The following USH2A variants were observed in gnomAD, a reference collection of about 807,000 sequenced individuals.
The protein encoded by USH2A is usherin, also known as Usher syndrome 2A (autosomal recessive, mild).
A neutral mutation model predicts 538.9 loss-of-function variants in USH2A; 443 were observed. The ratio of observed to expected loss-of-function variants is 0.82; its 90% CI spans 0.76 to 0.89. USH2A has a LOEUF of 0.89. Ranked by LOEUF, USH2A falls within the 40% of genes least tolerant of loss-of-function variation. USH2A has a pLI of 0.00. For missense variants in USH2A, 6,633 were observed against 6,324.8 expected (o/e 1.05, Z -1.65); for synonymous variants, 2,413 against 2,273.5 (o/e 1.06, Z -1.75).
chr1:215,971,809 G>A (rs1187031444), intron 35 of USH2A, among the ~76,000 whole-genome samples: 1 of 152,078 alleles, frequency 6.6e-6, no homozygotes, highest in Non-Finnish European at 1.5e-5. Flanking sequence ...GGGTTAGTGG[G>A]TATTAATTTA....
At chr1:216,019,760 C>T (rs1668803555) in intron 32 of USH2A, among the ~76,000 whole-genome samples, 1 of 152,062 alleles carries the variant, frequency 6.6e-6, no homozygotes, top group African/African-American at 2.4e-5. Flanking sequence ...GAGTGATATG[C>T]TGAGCAAGTA....
chr1:215,627,871 G>A (rs1656116472), intron 71 of USH2A, among the ~76,000 whole-genome samples: 2 of 152,180 alleles, frequency 1.3e-5, no homozygotes, highest in Admixed American at 1.3e-4. Context: ...GGTAGGTACT[G>A]CAGCGGGCAT....
At chr1:216,101,913 A>G (rs2032590125) in intron 21 of USH2A, among the ~76,000 whole-genome samples, 2 of 152,236 alleles carry the variant, frequency 1.3e-5, no homozygotes, top group African/African-American at 2.4e-5. Context: ...TCCAAGTTCT[A>G]CATGGAAATA....
At chr1:216,348,985 A>C (rs539297088) in intron 4 of USH2A, among the ~76,000 whole-genome samples, 1 of 152,168 alleles carries the variant, frequency 6.6e-6, no homozygotes, top group African/African-American at 2.4e-5. Flanking sequence ...CAGTTCATGG[A>C]AAGTCTTCTA....
intron 49 of USH2A, among the ~76,000 whole-genome samples, chr1:215,811,840 A>G (rs1222159885): frequency 1.3e-5 from 2 of 151,668 alleles, no homozygotes; most frequent in African/African-American, 4.8e-5. Context: ...TGGGAGGTGG[A>G]GGTTGCAGTG....
intron 21 of USH2A, among the ~76,000 whole-genome samples, chr1:216,142,780 A>G (rs2033625632): frequency 6.6e-6 from 1 of 152,178 alleles, no homozygotes; most frequent in Non-Finnish European, 1.5e-5. Flanking sequence ...TCCTATGCCA[A>G]TTCTAATGTG....
intron 14 of USH2A, among the ~76,000 whole-genome samples, chr1:216,223,613 C>G (rs1490027664): frequency 2.0e-5 from 3 of 152,190 alleles, no homozygotes; most frequent in Non-Finnish European, 4.4e-5. Flanking sequence ...AAATCTGCCA[C>G]TGCCTTGTGA....
intron 35 of USH2A, among the ~76,000 whole-genome samples, chr1:215,992,161 T>C (rs1248225041): frequency 6.6e-6 from 1 of 152,214 alleles, no homozygotes; most frequent in East Asian, 1.9e-4. Context: ...TCATTCTTTT[T>C]GGCTGTGCTA....
intron 35 of USH2A, among the ~76,000 whole-genome samples, chr1:215,972,238 C>G (rs1175435388): frequency 6.6e-6 from 1 of 152,180 alleles, no homozygotes; most frequent in East Asian, 1.9e-4. Flanking sequence ...GCTCCAAGAG[C>G]TGAGGGCTTT....
intron 30 of USH2A, among the ~76,000 whole-genome samples, chr1:216,055,016 A>G (rs1305368742): frequency 6.6e-6 from 1 of 152,236 alleles, no homozygotes; most frequent in South Asian, 2.1e-4. Flanking sequence ...CAACAATCCA[A>G]GAGTATTTCC....
chr1:216,355,003 C>T (rs970094770), intron 4 of USH2A, among the ~76,000 whole-genome samples: 2 of 151,892 alleles, frequency 1.3e-5, no homozygotes, highest in Admixed American at 6.6e-5. Flanking sequence ...ATCTTAACAG[C>T]ATCAAGTGGA....
chr1:216,147,736 C>A (rs943232651), intron 21 of USH2A, among the ~76,000 whole-genome samples: 9 of 151,032 alleles, frequency 6.0e-5, no homozygotes, highest in East Asian at 2.0e-4. Context: ...ACCCCAGCCA[C>A]ATCTCCAGCA....
rs189286045 is a variant in USH2A at position 215,799,383 on chromosome 1, C to T, written c.9740-258G>A. ...ATTTCCTCACCATCAGGTCTGGTGACATGGACTATGTGGCATTATAGAAAA... is the reference window on the plus strand; with the variant it reads ...ATTTCCTCACCATCAGGTCTGGTGATATGGACTATGTGGCATTATAGAAAA... On this transcript the variant is annotated intron_variant, in intron 49 of 71. Coordinates refer to ENST00000307340, the MANE Select transcript of USH2A (RefSeq NM_206933.4). Among the ~76,000 whole-genome samples the T allele has an allele frequency of 1.2e-4, 19 of 152,288 alleles. 1 individual carries two copies. The highest frequency in any genetic ancestry group is 4.1e-4 in the African/African-American group (17 of 41,562).
chr1:216,262,776 T>C (rs183407682), intron 11 of USH2A, among the ~76,000 whole-genome samples: 36 of 151,388 alleles, frequency 2.4e-4, no homozygotes, highest in South Asian at 1.2e-3. Context: ...AGGCACAATA[T>C]AGAAATAAAA....
In USH2A at chr1:215,878,938, G is replaced by A. The variant is rs1330726008; in HGVS notation, c.8384C>T (p.Ala2795Val). 6 of 1,613,942 alleles carry A rather than the reference G, an allele frequency of 3.7e-6. No individual in the cohort carries two copies. Among genetic ancestry groups the A allele is most frequent in the South Asian group, 3.3e-5 (3 of 91,082 alleles). Residue 2795 changes from alanine to valine, a missense_variant, in exon 42 of 72, where the codon GCT (alanine) becomes GTT (valine). Physicochemically the swap from Ala to Val is moderately conservative, Grantham distance 64. Transcript: ENST00000307340. ...PFTNYSVTIVACSGGNGYLGG... is the reference protein window; with the variant it reads ...PFTNYSVTIVVCSGGNGYLGG... ...AAGGTACCCATTACCCCCTGAGCAAGCAACAATGGTGACAGAATAATTAGT... is the reference window on the plus strand; with the variant it reads ...AAGGTACCCATTACCCCCTGAGCAAACAACAATGGTGACAGAATAATTAGT...
intron 38 of USH2A, among the ~76,000 whole-genome samples, chr1:215,911,730 T>G (rs1475532447): frequency 6.6e-6 from 1 of 152,084 alleles, no homozygotes; most frequent in Non-Finnish European, 1.5e-5. Context: ...TGCCCAGCAA[T>G]GGGATTGCTG....
intron 61 of USH2A, among the ~76,000 whole-genome samples, chr1:215,685,608 A>G (rs1571957329): frequency 6.6e-6 from 1 of 151,982 alleles, no homozygotes; most frequent in Non-Finnish European, 1.5e-5. Context: ...TCCACCCGCC[A>G]TGGCCTCCCA....
chr1:215,828,616 T>C (rs1663222328), intron 47 of USH2A, among the ~76,000 whole-genome samples: 1 of 152,154 alleles, frequency 6.6e-6, no homozygotes, highest in Non-Finnish European at 1.5e-5. Context: ...AAAACAATTA[T>C]TTGTGAGTGC....
intron 15 of USH2A, among the ~76,000 whole-genome samples, chr1:216,216,899 G>A (rs879744230): frequency 2.0e-5 from 3 of 151,896 alleles, no homozygotes; most frequent in Non-Finnish European, 4.4e-5. Context: ...TTACAATATC[G>A]ATAAACAACT....
Sources: gnomAD v4.1 joint callset for allele counts (sites outside exome capture counted in the v4.1 genomes callset) on GRCh38, gnomAD v4.1.1 for gene constraint, MANE v1.5 for transcripts, NCBI Gene and HGNC (gene_info 2026-07-23, HGNC 2026-07-21) for gene names.